The following SLC26A7 variants were observed in gnomAD, a reference collection of about 807,000 sequenced individuals.
SLC26A7 encodes solute carrier family 26 member 7.
SLC26A7 carries 59 observed loss-of-function variants against 82.5 expected under a neutral mutation model. The observed-to-expected ratio is 0.72, with a 90% confidence interval of 0.58 to 0.89. SLC26A7 has a LOEUF of 0.89. Ranked by LOEUF, SLC26A7 falls within the 40% of genes least tolerant of loss-of-function variation. The probability of loss-of-function intolerance (pLI) is 0.00; values close to 1 mark genes in which losing one functional copy is unlikely to be tolerated. For missense variants in SLC26A7, 820 were observed against 793.0 expected, an observed-to-expected ratio of 1.03 and a Z score of -0.41; for synonymous variants, 271 against 274.3, an observed-to-expected ratio of 0.99 and a Z score of 0.12.
In SLC26A7 at chr8:91,342,006, C is replaced by A. The variant is rs368160609; in HGVS notation, c.1027-1347C>A. On this transcript the variant is annotated intron_variant, in intron 8 of 18. Coordinates refer to ENST00000276609, the MANE Select transcript of SLC26A7 (RefSeq NM_052832.4). ...TGAGTGGCATGATCATGGCTCACTGCGGCCTCAACCTCCTGGGCTCAAATC... is the reference window on the plus strand; with the variant it reads ...TGAGTGGCATGATCATGGCTCACTGAGGCCTCAACCTCCTGGGCTCAAATC... 3.9e-5 allele frequency among the ~76,000 whole-genome samples: 6 copies of A among 152,142 alleles called. No individual in the cohort carries two copies. The East Asian group carries it at 5.8e-4, about 15-fold the overall frequency.
chr8:91,394,549 G>C (rs1189790816), intron 18 of SLC26A7: 11 of 1,251,002 alleles, frequency 8.8e-6, no homozygotes, highest in Middle Eastern at 3.1e-4. Flanking sequence ...ACTGTTCTTA[G>C]AGCTTTAATT....
intron 11 of SLC26A7, among the ~76,000 whole-genome samples, chr8:91,358,329 CT>C (rs71273702): frequency 0.02 from 2,701 of 133,236 alleles, 44 homozygotes; most frequent in African/African-American, 0.063. Flanking sequence ...TTTTCTTTTT[CT>C]TTTTTTTTTT....
At chr8:91,356,593 A>C (rs1173795978) in intron 11 of SLC26A7, among the ~76,000 whole-genome samples, 1 of 152,072 alleles carries the variant, frequency 6.6e-6, no homozygotes, top group Admixed American at 6.5e-5. Context: ...GTTTTCTTGT[A>C]AATTTGTTTG....
At chr8:91,233,126 C>G (rs1415480268) in intron 2 of SLC26A7, among the ~76,000 whole-genome samples, 1 of 152,082 alleles carries the variant, frequency 6.6e-6, no homozygotes, top group Non-Finnish European at 1.5e-5. Flanking sequence ...GAAAAAGAAA[C>G]CATCAAACAG....
chr8:91,338,352 C>CA, intron 7 of SLC26A7, 120 bp downstream of exon 7: 1 of 601,564 alleles, frequency 1.7e-6, no homozygotes, highest in Non-Finnish European at 2.7e-6. Flanking sequence ...ATTTCTATTA[C>CA]AAAATGATAG....
At chr8:91,253,507 C>T (rs889259067) in intron 2 of SLC26A7, among the ~76,000 whole-genome samples, 3 of 152,040 alleles carry the variant, frequency 2.0e-5, no homozygotes, top group Non-Finnish European at 4.4e-5. Context: ...ATACTGCAGC[C>T]AGAATAATCA....
At chr8:91,278,360 C>T (rs1225044153) in intron 2 of SLC26A7, among the ~76,000 whole-genome samples, 1 of 152,000 alleles carries the variant, frequency 6.6e-6, no homozygotes, top group Non-Finnish European at 1.5e-5. Flanking sequence ...AAGAGAAAAT[C>T]CAAAATTATC....
chr8:91,388,860 GT>G lies in SLC26A7; in HGVS notation c.1676-466del, dbSNP rs565009099. 5.8e-3 allele frequency among the ~76,000 whole-genome samples: 837 copies of G among 145,504 alleles called. 12 individuals carry two copies. Among genetic ancestry groups the G allele is most frequent in the African/African-American group, 0.018 (733 of 39,868 alleles). ...CTGTGGGACAAGCCCTAGCAATGGAGTTTTTTTTTTTTAGAGTGATTCCAAA... is the reference window on the plus strand; with the variant it reads ...CTGTGGGACAAGCCCTAGCAATGGAGTTTTTTTTTTTAGAGTGATTCCAAA... On this transcript the variant is annotated intron_variant, in intron 15 of 18. Transcript: ENST00000276609.
At chr8:91,273,572 G>A (rs1024231375) in intron 2 of SLC26A7, among the ~76,000 whole-genome samples, 2 of 152,096 alleles carry the variant, frequency 1.3e-5, no homozygotes, top group Non-Finnish European at 2.9e-5. Context: ...CAGTTCTCAG[G>A]ACAGAAAAAA....
intron 15 of SLC26A7, among the ~76,000 whole-genome samples, chr8:91,388,888 T>C (rs1367354928): frequency 2.0e-5 from 3 of 151,868 alleles, no homozygotes; most frequent in African/African-American, 4.8e-5. Context: ...GATTCCAAAA[T>C]TGTATACGCT....
intron 5 of SLC26A7, among the ~76,000 whole-genome samples, chr8:91,323,829 T>TC (rs1295025008): frequency 6.9e-6 from 1 of 145,518 alleles, no homozygotes; most frequent in African/African-American, 2.6e-5. Context: ...TTTTTTTTTT[T>TC]TTTTTTTGAG....
intron 9 of SLC26A7, chr8:91,348,509 T>G: frequency 3.1e-6 from 1 of 325,604 alleles, no homozygotes; most frequent in South Asian, 1.2e-4. Flanking sequence ...TTCATTATCT[T>G]TTATGCAGAA....
chr8:91,320,749 C>G (rs925808972), intron 5 of SLC26A7, among the ~76,000 whole-genome samples: 1 of 152,144 alleles, frequency 6.6e-6, no homozygotes, highest in East Asian at 1.9e-4. Flanking sequence ...TGTCAAAGAA[C>G]CTACAGCAGA....
chr8:91,278,569 T>C (rs1811469491), intron 2 of SLC26A7, among the ~76,000 whole-genome samples: 1 of 152,202 alleles, frequency 6.6e-6, no homozygotes, highest in South Asian at 2.1e-4. Context: ...ATGGAATTTG[T>C]CAGCTTCTTA....
At chr8:91,282,437 A>G (rs138494070) in intron 2 of SLC26A7, among the ~76,000 whole-genome samples, 370 of 152,176 alleles carry the variant, frequency 2.4e-3, no homozygotes, top group African/African-American at 8.6e-3. Context: ...GCTGGCCAAA[A>G]TCCTCCTCCT....
At chr8:91,225,303 G>A (rs1810217981) in intron 2 of SLC26A7, among the ~76,000 whole-genome samples, 1 of 152,172 alleles carries the variant, frequency 6.6e-6, no homozygotes. Flanking sequence ...AGTGGCATGG[G>A]TTTGCAAGTG....
intron 15 of SLC26A7, among the ~76,000 whole-genome samples, chr8:91,384,540 A>AT (rs1563712411): frequency 6.6e-6 from 1 of 152,158 alleles, no homozygotes; most frequent in East Asian, 1.9e-4. Flanking sequence ...AAGGGGCATT[A>AT]TTCTGTCCAT....
Position 91,393,718 on chromosome 8 carries a change from A to G in SLC26A7, c.1777-79A>G, listed in dbSNP as rs934581232. ...AAACATCGGCTTTAAAGAAAGTTTGATTTCTTCTGAAGCCCATCTTATTTC... is the reference window on the plus strand; with the variant it reads ...AAACATCGGCTTTAAAGAAAGTTTGGTTTCTTCTGAAGCCCATCTTATTTC... On this transcript the variant is annotated intron_variant, in intron 16 of 18. Transcript: ENST00000276609. 4 of 1,481,830 alleles carry G rather than the reference A, an allele frequency of 2.7e-6. No individual in the cohort carries two copies. In the African/African-American group the frequency reaches 5.6e-5, roughly 21 times the overall value. 91.8% of individuals were successfully genotyped at this position (1,481,830 alleles called of 1,614,324 possible).
chr8:91,308,377 C>T (rs949308560), intron 4 of SLC26A7, among the ~76,000 whole-genome samples: 1 of 151,406 alleles, frequency 6.6e-6, no homozygotes, highest in Non-Finnish European at 1.5e-5. Flanking sequence ...ATTCATAATG[C>T]TGAGCAGCCA....
Sources: gnomAD v4.1 joint callset for allele counts (sites outside exome capture counted in the v4.1 genomes callset) on GRCh38, gnomAD v4.1.1 for gene constraint, MANE v1.5 for transcripts, NCBI Gene and HGNC (gene_info 2026-07-23, HGNC 2026-07-21) for gene names.